SPPL2A: variants seen among roughly 807,000 people sequenced by gnomAD.
SPPL2A encodes the protein signal peptide peptidase like 2A.
SPPL2A carries 51 observed loss-of-function variants against 63.8 expected under a neutral mutation model. That is an observed-to-expected ratio of 0.80 (90% CI 0.64 to 1.01). SPPL2A has a LOEUF of 1.01. Ranked by LOEUF, SPPL2A falls within the 50% of genes least tolerant of loss-of-function variation. The pLI is 0.00. For missense variants in SPPL2A, 553 were observed against 622.7 expected (o/e 0.89, Z 1.19); for synonymous variants, 188 against 205.8 (o/e 0.91, Z 0.74).
chr15:50,732,554 G>T, intron 9 of SPPL2A, 49 bp downstream of exon 9: 1 of 1,170,558 alleles, frequency 8.5e-7, no homozygotes, highest in Non-Finnish European at 1.2e-6. Flanking sequence ...TAATAAAGTT[G>T]TCTTTTAAAA....
intron 12 of SPPL2A, among the ~76,000 whole-genome samples, chr15:50,722,845 G>A (rs1216409016): frequency 2.6e-5 from 4 of 152,126 alleles, no homozygotes; most frequent in African/African-American, 9.7e-5. Context: ...CACAGCCAAG[G>A]AAACAGTCAA....
intron 12 of SPPL2A, among the ~76,000 whole-genome samples, chr15:50,723,516 C>G (rs956303081): frequency 5.3e-5 from 8 of 152,036 alleles, no homozygotes; most frequent in African/African-American, 1.9e-4. Context: ...CTCACTGTCA[C>G]CCAGGTCAGA....
At chr15:50,716,408 T>C (rs1414612586) in intron 14 of SPPL2A, among the ~76,000 whole-genome samples, 1 of 152,102 alleles carries the variant, frequency 6.6e-6, no homozygotes, top group East Asian at 1.9e-4. Context: ...TTGGCCAGGC[T>C]GGTCTCAAAC....
intron 14 of SPPL2A, 59 bp from the exon 15 acceptor site, chr15:50,707,933 CTACATTAG>C: frequency 1.2e-6 from 1 of 841,676 alleles, no homozygotes; most frequent in Non-Finnish European, 2.1e-6. Flanking sequence ...CCAATATTCA[CTACATTAG>C]CAAAAGGATT....
At chr15:50,737,837 C>T (rs113170448) in intron 6 of SPPL2A, among the ~76,000 whole-genome samples, 9 of 151,966 alleles carry the variant, frequency 5.9e-5, no homozygotes, top group African/African-American at 9.6e-5. Flanking sequence ...TATAGGAGGC[C>T]GAGGCAGGTG....
At chr15:50,735,450 TGC>T (rs1181311064) in intron 8 of SPPL2A, among the ~76,000 whole-genome samples, 1 of 152,032 alleles carries the variant, frequency 6.6e-6, no homozygotes, top group Non-Finnish European at 1.5e-5. Flanking sequence ...TGTTTAGAGC[TGC>T]ACTGCACTCA....
chr15:50,729,163 G>A (rs201016549), intron 10 of SPPL2A, among the ~76,000 whole-genome samples: 2 of 152,162 alleles, frequency 1.3e-5, no homozygotes, highest in Non-Finnish European at 2.9e-5. Context: ...ATGTTGGCCA[G>A]GCTGGTCTCG....
At chr15:50,722,366 T>A (rs1332206536) in intron 12 of SPPL2A, among the ~76,000 whole-genome samples, 165 bp from the exon 13 acceptor site, 1 of 150,642 alleles carries the variant, frequency 6.6e-6, no homozygotes, top group Non-Finnish European at 1.5e-5. Flanking sequence ...ATTTTAAAAA[T>A]ACTTAATACC....
intron 9 of SPPL2A, 94 bp from the exon 10 acceptor site, chr15:50,731,133 T>C (rs2062727277): frequency 1.7e-6 from 1 of 575,114 alleles, no homozygotes; most frequent in Non-Finnish European, 3.1e-6. Context: ...TATATGAATA[T>C]ACATTTAAAT....
chr15:50,718,231 C>T (rs545723168), intron 14 of SPPL2A, among the ~76,000 whole-genome samples: 20 of 152,210 alleles, frequency 1.3e-4, no homozygotes, highest in African/African-American at 4.1e-4. Flanking sequence ...CCCGCCTCAG[C>T]CTCCCAAAGT....
chr15:50,717,378 G>T lies in SPPL2A; in HGVS notation c.1488+2562C>A, dbSNP rs79577974. Among the ~76,000 whole-genome samples the T allele has an allele frequency of 2.0e-3, 310 of 152,128 alleles. 9 individuals are homozygous for T. In the East Asian group the frequency reaches 0.038, roughly 19 times the overall value. ...TTGTAGAGACAGGGTCTCACATGTT[G>T]CCCAGGCTGCTCTCAAACTCCTGGG... On this transcript the variant is annotated intron_variant, in intron 14 of 14. Transcript: ENST00000261854.
intron 1 of SPPL2A, among the ~76,000 whole-genome samples, chr15:50,762,934 G>A (rs1238461418): frequency 2.0e-5 from 3 of 149,236 alleles, no homozygotes; most frequent in Non-Finnish European, 3.0e-5. Flanking sequence ...TAGTAGAGAC[G>A]GGGTTTCACC....
rs575828239 is a variant in SPPL2A at position 50,728,605 on chromosome 15, C to T, written c.1090-2228G>A. 5.3e-5 allele frequency among the ~76,000 whole-genome samples: 8 copies of T among 150,456 alleles called. No homozygotes were observed. The South Asian group carries it at 1.3e-3, about 24-fold the overall frequency. ...TCGTGATCCGCCCACCTTGGCCTCC[C>T]GAAGTGCTGGGATTACAGGCGTGAA... is the stretch of plus-strand genomic sequence containing the variant. On this transcript the variant is annotated intron_variant, in intron 10 of 14. Coordinates refer to ENST00000261854, the MANE Select transcript of SPPL2A (RefSeq NM_032802.4).
rs1263525031 is a variant in SPPL2A at position 50,704,333 on chromosome 15, ACT to A, written c.*3465_*3466del. 7 of 130,636 alleles carry A rather than the reference ACT, an allele frequency of 5.4e-5. No individual in the cohort carries two copies. The highest frequency in any genetic ancestry group is 2.1e-4 in the African/African-American group (7 of 33,994). 8.1% of individuals were successfully genotyped at this position (130,636 alleles called of 1,614,324 possible). Reference sequence around the variant, plus strand: ...CTCCAGCCTGGGCAAAAAGAGCGAAACTCTGTCTCAAAAAAAAAAAAAAAAAA... The same window carrying A: ...CTCCAGCCTGGGCAAAAAGAGCGAAACTGTCTCAAAAAAAAAAAAAAAAAA... On this transcript the variant is annotated 3_prime_UTR_variant, in exon 15 of 15. Transcript: ENST00000261854.
chr15:50,738,905 T>A (rs1212959751), intron 6 of SPPL2A, among the ~76,000 whole-genome samples: 2 of 152,152 alleles, frequency 1.3e-5, no homozygotes, highest in Non-Finnish European at 2.9e-5. Context: ...ACTGTTTATA[T>A]AAGTAACATA....
At chr15:50,712,893 G>A (rs971788816) in intron 14 of SPPL2A, among the ~76,000 whole-genome samples, 2 of 151,770 alleles carry the variant, frequency 1.3e-5, no homozygotes, top group Non-Finnish European at 2.9e-5. Flanking sequence ...CACCATGTTG[G>A]TCAGGCTGTC....
Position 50,748,825 on chromosome 15 carries a change from G to A in SPPL2A, c.223C>T (p.Leu75Phe). The A allele has an allele frequency of 1.2e-6, 2 of 1,610,082 alleles. No individual in the cohort carries two copies. The highest frequency in any genetic ancestry group is 2.2e-5 in the South Asian group (2 of 90,234). The change falls in exon 3 of 15, where the codon CTT becomes TTT. Residue 75 changes from leucine (L) to phenylalanine (F), a missense_variant. Coordinates refer to ENST00000261854, the MANE Select transcript of SPPL2A (RefSeq NM_032802.4). ...MNLTSTPLCNLSDIPPVGIKS... is the reference protein window; with the variant it reads ...MNLTSTPLCNFSDIPPVGIKS... ...ATGCCAACAGGAGGAATATCAGAAA[G>A]GTTGCATAGTGGTGTGGAAGTCAGA...
rs780968695 is a variant in SPPL2A, at chr15:50,722,134, C to G, written c.1317G>C (p.Ser439=). 1 of 1,568,200 alleles carries G rather than the reference C, an allele frequency of 6.4e-7. No homozygotes were observed. The highest frequency in any genetic ancestry group is 2.2e-5 in the East Asian group (1 of 44,648). The stretch of plus-strand genomic sequence containing the variant: ...AAAACAAAAATTTACCAACTGTAGA[C>G]GAAACATAGTATATGTAAGAAGAAC... ...QTGSSYIYYV[S]STVAYAIGMI... is the part of the protein sequence containing the mutation. The change falls in exon 13 of 15, where the codon TCG becomes TCC. Residue 439 remains serine (S), a synonymous_variant. Coordinates refer to ENST00000261854, the MANE Select transcript of SPPL2A (RefSeq NM_032802.4).
chr15:50,741,974 AG>A (rs1312918152), intron 5 of SPPL2A, among the ~76,000 whole-genome samples: 2 of 151,772 alleles, frequency 1.3e-5, no homozygotes, highest in Admixed American at 1.3e-4. Flanking sequence ...TCAAAAAAAA[AG>A]AAAAAAAAAT....
Sources: allele counts gnomAD v4.1 joint callset (sites outside exome capture counted in the v4.1 genomes callset), GRCh38; gene constraint gnomAD v4.1.1; transcripts MANE v1.5; gene names NCBI Gene and HGNC (gene_info 2026-07-23, HGNC 2026-07-21).